Variants in JAZF1 observed in about 807,000 individuals in gnomAD.
JAZF1 encodes JAZF zinc finger 1, also known as juxtaposed with another zinc finger protein 1.
A neutral mutation model predicts 26.4 loss-of-function variants in JAZF1; 8 were observed. The observed-to-expected ratio is 0.30, with a 90% CI of 0.18 to 0.55. JAZF1 has a LOEUF of 0.55. JAZF1 is among the 20% of genes least tolerant of loss of function. The pLI, the probability that JAZF1 is intolerant of heterozygous loss-of-function variation, is 0.94. For missense variants in JAZF1, 199 were observed against 322.0 expected (o/e 0.62, Z 2.92); for synonymous variants, 126 against 122.3 (o/e 1.03, Z -0.20).
chr7:27,881,228 A>G lies in JAZF1; in HGVS notation c.385+13992T>C, dbSNP rs572632728. Among the ~76,000 whole-genome samples the G allele has an allele frequency of 3.9e-5, 6 of 152,296 alleles. No individual in the cohort carries two copies. In the East Asian group the frequency reaches 1.2e-3, roughly 29 times the overall value. ...TTCCAGATTAAGGTGCATGGCCCAC[A>G]GGTGGTGGCAGTAGCCCATCTAGCC... is the stretch of plus-strand genomic sequence containing the variant. On this transcript the variant is annotated intron_variant, in intron 3 of 4. Coordinates refer to ENST00000283928, the MANE Select transcript of JAZF1 (RefSeq NM_175061.4).
intron 1 of JAZF1, among the ~76,000 whole-genome samples, chr7:28,100,260 T>G (rs187009207): frequency 2.0e-5 from 3 of 152,302 alleles, no homozygotes; most frequent in Admixed American, 6.5e-5. Flanking sequence ...AACCAATACA[T>G]AAGAGCATTT....
At chr7:28,072,455 T>C (rs537346909) in intron 1 of JAZF1, among the ~76,000 whole-genome samples, 2 of 152,388 alleles carry the variant, frequency 1.3e-5, no homozygotes, top group Non-Finnish European at 2.9e-5. Context: ...TATGGCTATA[T>C]GCAACTCTAT....
Position 27,874,744 on chromosome 7 carries a change from A to G in JAZF1, c.385+20476T>C, listed in dbSNP as rs1583442165. On this transcript the variant is annotated intron_variant, in intron 3 of 4. Transcript: ENST00000283928. ...ATCCTTATCTGGGGAAATCGCTAGCAGCCTGCTGGACAATGATCAATGAGG... is the reference window on the plus strand; with the variant it reads ...ATCCTTATCTGGGGAAATCGCTAGCGGCCTGCTGGACAATGATCAATGAGG... Among the ~76,000 whole-genome samples the G allele has an allele frequency of 2.0e-5, 3 of 152,348 alleles. No individual in the cohort carries two copies. The Middle Eastern group carries it at 0.01, about 518-fold the overall frequency.
intron 3 of JAZF1, among the ~76,000 whole-genome samples, chr7:27,882,331 C>G (rs1430047247): frequency 6.7e-6 from 1 of 149,916 alleles, no homozygotes; most frequent in Non-Finnish European, 1.5e-5. Context: ...AACAAAAAAA[C>G]AAAAAACAAA....
At chr7:27,969,274 T>C (rs1171511059) in intron 2 of JAZF1, among the ~76,000 whole-genome samples, 5 of 152,126 alleles carry the variant, frequency 3.3e-5, no homozygotes, top group African/African-American at 1.2e-4. Context: ...CCAGATCCCA[T>C]TTCTGGTCTT....
At chr7:27,839,510 C>A (rs1322476944) in intron 4 of JAZF1, among the ~76,000 whole-genome samples, 1 of 152,170 alleles carries the variant, frequency 6.6e-6, no homozygotes, top group Non-Finnish European at 1.5e-5. Context: ...CCTCTCCCAA[C>A]TCCACGCCTC....
At position 28,132,021 on chromosome 7, in the gene JAZF1, C is replaced by T. The variant is rs543282755; in HGVS notation, c.115+48442G>A. Among the ~76,000 whole-genome samples, 5 of 152,308 alleles carry T rather than the reference C, an allele frequency of 3.3e-5. No individual in the cohort carries two copies. In the South Asian group the frequency reaches 1.0e-3, roughly 32 times the overall value. ...GAAAAAAAAATACTCTTTGATCCTA[C>T]TACCCTCATGATCAGATGCTTCTTG... is the stretch of plus-strand genomic sequence containing the variant. On this transcript the variant is annotated intron_variant, in intron 1 of 4. Transcript: ENST00000283928.
At chr7:28,037,741 C>G (rs546650315) in intron 1 of JAZF1, among the ~76,000 whole-genome samples, 1 of 152,276 alleles carries the variant, frequency 6.6e-6, no homozygotes, top group South Asian at 2.1e-4. Flanking sequence ...TGTTCCATAT[C>G]CAGAGATGTG....
intron 2 of JAZF1, among the ~76,000 whole-genome samples, chr7:27,962,998 T>C (rs1219826594): frequency 1.3e-5 from 2 of 152,202 alleles, no homozygotes; most frequent in Non-Finnish European, 2.9e-5. Flanking sequence ...TGTGTGGGGT[T>C]AGCATTCACC....
At chr7:27,994,350 A>T (rs1030329267) in intron 1 of JAZF1, among the ~76,000 whole-genome samples, 12 of 152,088 alleles carry the variant, frequency 7.9e-5, no homozygotes, top group Non-Finnish European at 1.8e-4. Context: ...ATCATCTTTC[A>T]TAACCTATTC....
Position 27,991,944 on chromosome 7 carries a change from C to T in JAZF1, c.153G>A (p.Gln51=). ...DPRVLEKQEL[Q]QPTYVALSYI... ...AACTCAGGGCAACATAGGTTGGCTG[C>T]TGTAATTCTTGTTTTTCTAAAACCC... Residue 51 remains glutamine (Q), a synonymous_variant, in exon 2 of 5, where the codon CAG becomes CAA. Transcript: ENST00000283928. 3 of 1,607,176 alleles carry T rather than the reference C, an allele frequency of 1.9e-6. No individual in the cohort carries two copies. The highest frequency in any genetic ancestry group is 2.6e-6 in the Non-Finnish European group (3 of 1,174,680).
At chr7:28,008,244 A>T (rs968368482) in intron 1 of JAZF1, among the ~76,000 whole-genome samples, 4 of 151,950 alleles carry the variant, frequency 2.6e-5, no homozygotes, top group African/African-American at 9.7e-5. Context: ...TTTTTTAGAG[A>T]TAGTGTCTGT....
chr7:28,003,765 A>G (rs1782650141), intron 1 of JAZF1, among the ~76,000 whole-genome samples: 3 of 152,096 alleles, frequency 2.0e-5, no homozygotes, highest in Non-Finnish European at 2.9e-5. Flanking sequence ...CCTGAAACCT[A>G]CATGCACCGT....
rs901040875 is a variant in JAZF1 at position 27,982,305 on chromosome 7, C to A, written c.188+9604G>T. On this transcript the variant is annotated intron_variant, in intron 2 of 4. Coordinates refer to ENST00000283928, the MANE Select transcript of JAZF1 (RefSeq NM_175061.4). Reference sequence around the variant, plus strand: ...AACACAGCACACCAGGAGATTATATCCCGCGCATGGCTCAGAGGGTCCCAC... The same window carrying A: ...AACACAGCACACCAGGAGATTATATACCGCGCATGGCTCAGAGGGTCCCAC... Among the ~76,000 whole-genome samples, 5 of 152,370 alleles carry A rather than the reference C, an allele frequency of 3.3e-5. 1 individual carries two copies. The South Asian group carries it at 1.0e-3, about 32-fold the overall frequency.
intron 3 of JAZF1, among the ~76,000 whole-genome samples, chr7:27,877,511 T>G (rs573583605): frequency 3.0e-4 from 45 of 152,300 alleles, no homozygotes; most frequent in African/African-American, 9.1e-4. Flanking sequence ...GGTGGTTGTA[T>G]GTGTTCCTTC....
chr7:28,045,636 A>G (rs1325811658), intron 1 of JAZF1, among the ~76,000 whole-genome samples: 1 of 152,134 alleles, frequency 6.6e-6, no homozygotes, highest in Non-Finnish European at 1.5e-5. Context: ...GAGTATAGTG[A>G]CATGCTCATA....
chr7:27,931,108 G>GAAATCTCATTGT, intron 2 of JAZF1, among the ~76,000 whole-genome samples: 1 of 152,214 alleles, frequency 6.6e-6, no homozygotes, highest in East Asian at 1.9e-4. Context: ...CATCTACAAT[G>GAAATCTCATTGT]AGATTACATG....
chr7:27,882,948 G>T (rs1468471980), intron 3 of JAZF1, among the ~76,000 whole-genome samples: 1 of 152,100 alleles, frequency 6.6e-6, no homozygotes, highest in Non-Finnish European at 1.5e-5. Context: ...GGCAGTCTCG[G>T]GCGTCTGTTT....
intron 2 of JAZF1, among the ~76,000 whole-genome samples, chr7:27,936,260 A>G (rs959114316): frequency 1.3e-5 from 2 of 152,234 alleles, no homozygotes; most frequent in African/African-American, 2.4e-5. Context: ...GTGTGAAAAA[A>G]TACATGCTTG....
Sources: gnomAD v4.1 joint callset for allele counts (sites outside exome capture counted in the v4.1 genomes callset) on GRCh38, gnomAD v4.1.1 for gene constraint, MANE v1.5 for transcripts, NCBI Gene and HGNC (gene_info 2026-07-23, HGNC 2026-07-21) for gene names.